The following RPS6KC1 variants were observed in gnomAD, a reference collection of about 807,000 sequenced individuals.
RPS6KC1 encodes inactive ribosomal protein S6 kinase delta-1.
In RPS6KC1, 54 loss-of-function variants were observed where a neutral mutation model predicts 103.8. The observed-to-expected ratio is 0.52, with a 90% CI of 0.42 to 0.65. RPS6KC1 has a LOEUF of 0.65. Among genes scored for constraint, RPS6KC1 ranks in the 30% least tolerant of loss-of-function variants. The pLI is 0.00. For synonymous variants in RPS6KC1, 439 were observed against 438.7 expected, an observed-to-expected ratio of 1.00 and a Z score of -0.01; for missense variants, 1,151 against 1,253.8, an observed-to-expected ratio of 0.92 and a Z score of 1.24.
downstream of RPS6KC1, among the ~76,000 whole-genome samples, chr1:213,275,915 C>T (rs1332758187): frequency 6.6e-6 from 1 of 152,200 alleles, no homozygotes; most frequent in African/African-American, 2.4e-5. Flanking sequence ...ATTTTACTTT[C>T]TACTTCTATT....
chr1:213,509,739 G>A, the RPS6KC1 span, among the ~76,000 whole-genome samples: 1 of 152,130 alleles, frequency 6.6e-6, no homozygotes. Context: ...ATTTTATAAT[G>A]TTCTCCCCTG....
chr1:213,217,541 A>G (rs1252562807), intron 8 of RPS6KC1, among the ~76,000 whole-genome samples: 1 of 152,226 alleles, frequency 6.6e-6, no homozygotes, highest in Non-Finnish European at 1.5e-5. Flanking sequence ...CGTCATCCTG[A>G]TACCAAAGCC....
At chr1:213,696,276 G>C in the RPS6KC1 span, among the ~76,000 whole-genome samples, 3 of 151,914 alleles carry the variant, frequency 2.0e-5, no homozygotes, top group African/African-American at 7.3e-5. Flanking sequence ...GAGGCGGGCG[G>C]ATCACCTGAG....
At chr1:213,417,160 C>T in the RPS6KC1 span, among the ~76,000 whole-genome samples, 3 of 152,194 alleles carry the variant, frequency 2.0e-5, no homozygotes, top group African/African-American at 2.4e-5. Context: ...TCCTCCTCCT[C>T]GCTGCCTTTC....
At chr1:213,119,900 T>G (rs1419158138) in intron 5 of RPS6KC1, among the ~76,000 whole-genome samples, 3 of 151,866 alleles carry the variant, frequency 2.0e-5, no homozygotes, top group Non-Finnish European at 4.4e-5. Context: ...TTCTCCAAAC[T>G]GGGACACTTC....
chr1:213,306,421 A>G, the RPS6KC1 span, among the ~76,000 whole-genome samples: 3 of 152,242 alleles, frequency 2.0e-5, no homozygotes, highest in Non-Finnish European at 4.4e-5. Context: ...GCATTGATAA[A>G]TAGGGAATGA....
the RPS6KC1 span, among the ~76,000 whole-genome samples, chr1:213,703,974 T>A: frequency 6.6e-6 from 1 of 152,206 alleles, no homozygotes; most frequent in Non-Finnish European, 1.5e-5. Context: ...TTTGCCCTTT[T>A]AAGGCTATTT....
At chr1:213,726,232 C>T in the RPS6KC1 span, among the ~76,000 whole-genome samples, 18 of 152,140 alleles carry the variant, frequency 1.2e-4, no homozygotes, top group African/African-American at 4.1e-4. Context: ...ACTACAGGTG[C>T]ACGCTACTAC....
chr1:213,767,111 C>T, the RPS6KC1 span, among the ~76,000 whole-genome samples: 1 of 152,190 alleles, frequency 6.6e-6, no homozygotes, highest in Non-Finnish European at 1.5e-5. Flanking sequence ...TACTCTACAT[C>T]TAATTTATTT....
At chr1:213,305,409 A>G in the RPS6KC1 span, among the ~76,000 whole-genome samples, 1 of 152,342 alleles carries the variant, frequency 6.6e-6, no homozygotes, top group African/African-American at 2.4e-5. Context: ...TTACTAGACC[A>G]AATTGGGATT....
At chr1:213,371,779 A>C in the RPS6KC1 span, among the ~76,000 whole-genome samples, 5 of 152,232 alleles carry the variant, frequency 3.3e-5, no homozygotes, top group East Asian at 7.7e-4. Flanking sequence ...AGTGGCCTGC[A>C]CTGAAATGGG....
the RPS6KC1 span, among the ~76,000 whole-genome samples, chr1:213,519,174 A>C: frequency 9.2e-5 from 14 of 152,208 alleles, no homozygotes; most frequent in Non-Finnish European, 1.8e-4. Context: ...GTTGTTCTGC[A>C]GTCAACAAGA....
chr1:213,153,231 G>T (rs1231722966), intron 6 of RPS6KC1, among the ~76,000 whole-genome samples: 1 of 151,802 alleles, frequency 6.6e-6, no homozygotes, highest in Non-Finnish European at 1.5e-5. Flanking sequence ...AAGAGAGGGA[G>T]AGGGAGACCG....
the RPS6KC1 span, among the ~76,000 whole-genome samples, chr1:213,542,890 C>CT: frequency 6.6e-6 from 1 of 152,094 alleles, no homozygotes; most frequent in African/African-American, 2.4e-5. Flanking sequence ...CTTGGGTCTC[C>CT]CAAATTTCAG....
chr1:213,854,557 T>TTTCTTTCTTTC, the RPS6KC1 span, among the ~76,000 whole-genome samples: 1 of 107,590 alleles, frequency 9.3e-6, no homozygotes, highest in Non-Finnish European at 1.8e-5. Flanking sequence ...TCTTTCTTTC[T>TTTCTTTCTTTC]TTCTTTCTCT....
At chr1:213,756,260 G>T in the RPS6KC1 span, among the ~76,000 whole-genome samples, 1 of 152,326 alleles carries the variant, frequency 6.6e-6, no homozygotes, top group South Asian at 2.1e-4. Flanking sequence ...CCAGCTTCCA[G>T]AAATGGATTC....
At chr1:213,257,892 T>TTCC (rs2094689133) in intron 12 of RPS6KC1, among the ~76,000 whole-genome samples, 1 of 141,064 alleles carries the variant, frequency 7.1e-6, no homozygotes, top group Admixed American at 7.6e-5. Context: ...CAACCCTTGC[T>TTCC]TCCTAAGTTC....
chr1:213,100,545 T>C (rs779123201), intron 3 of RPS6KC1, among the ~76,000 whole-genome samples: 5 of 152,180 alleles, frequency 3.3e-5, no homozygotes, highest in Admixed American at 6.5e-5. Flanking sequence ...ATAATGAATA[T>C]AGTACCCAAT....
chr1:213,722,692 A>T, the RPS6KC1 span, among the ~76,000 whole-genome samples: 9 of 152,290 alleles, frequency 5.9e-5, no homozygotes, highest in African/African-American at 2.2e-4. Context: ...GCAATGCCAC[A>T]TGAGGACTTT....
Sources: gnomAD v4.1 joint callset for allele counts (sites outside exome capture counted in the v4.1 genomes callset) on GRCh38, gnomAD v4.1.1 for gene constraint, MANE v1.5 for transcripts, NCBI Gene and HGNC (gene_info 2026-07-23, HGNC 2026-07-21) for gene names.